NFIB: variants seen among roughly 807,000 people sequenced by gnomAD.
The protein encoded by NFIB is nuclear factor I B, also known as nuclear factor 1 B-type.
NFIB carries 11 observed loss-of-function variants against 61.5 expected under a neutral mutation model. That is an observed-to-expected ratio of 0.18 (90% CI 0.11 to 0.30). The LOEUF is 0.30. Among genes scored for constraint, NFIB ranks in the 10% least tolerant of loss-of-function variants. NFIB has a pLI of 1.00. For synonymous variants in NFIB, 260 were observed against 216.5 expected (o/e 1.20, Z -1.76); for missense variants, 471 against 608.9 (o/e 0.77, Z 2.38).
At chr9:14,108,721 G>A (rs928858572) in intron 10 of NFIB, among the ~76,000 whole-genome samples, 1 of 151,938 alleles carries the variant, frequency 6.6e-6, no homozygotes, top group Non-Finnish European at 1.5e-5. Flanking sequence ...ATATAGTCAG[G>A]AGATTATAAT....
intron 6 of NFIB, among the ~76,000 whole-genome samples, chr9:14,139,997 T>C (rs1422236709): frequency 6.6e-6 from 1 of 152,162 alleles, no homozygotes; most frequent in Non-Finnish European, 1.5e-5. Context: ...CAAAGAAACT[T>C]AAAAATTGGG....
the NFIB span, among the ~76,000 whole-genome samples, chr9:14,471,144 A>C: frequency 1.3e-5 from 2 of 152,374 alleles, no homozygotes; most frequent in South Asian, 4.1e-4. Flanking sequence ...AATGAAATAT[A>C]AACTTCTATA....
chr9:14,431,317 CTCT>C, the NFIB span, among the ~76,000 whole-genome samples: 1 of 152,134 alleles, frequency 6.6e-6, no homozygotes, highest in Non-Finnish European at 1.5e-5. Context: ...TAGATCCTGA[CTCT>C]TCTTCTACCC....
chr9:14,304,069 T>C (rs2059895605), intron 2 of NFIB, among the ~76,000 whole-genome samples: 1 of 152,226 alleles, frequency 6.6e-6, no homozygotes, highest in South Asian at 2.1e-4. Context: ...TACTGCCTCA[T>C]GGCCACGTGA....
At chr9:14,131,680 A>C (rs1043660858) in intron 6 of NFIB, among the ~76,000 whole-genome samples, 11 of 152,218 alleles carry the variant, frequency 7.2e-5, no homozygotes, top group African/African-American at 2.7e-4. Flanking sequence ...CCCTTAATTA[A>C]ACTGTTGTTC....
At chr9:14,088,749 C>T (rs1421518916) in intron 10 of NFIB, among the ~76,000 whole-genome samples, 1 of 152,058 alleles carries the variant, frequency 6.6e-6, no homozygotes, top group East Asian at 1.9e-4. Flanking sequence ...ACCTTTAATT[C>T]ACAAGCAATT....
the NFIB span, among the ~76,000 whole-genome samples, chr9:14,442,168 T>TTAATCACCACCCTCTCC: frequency 2.8e-4 from 42 of 152,144 alleles, no homozygotes; most frequent in Non-Finnish European, 4.3e-4. Context: ...TCCACCTCGC[T>TTAATCACCACCCTCTCC]TAATCACCAC....
chr9:14,524,270 G>A, the NFIB span, among the ~76,000 whole-genome samples: 1 of 152,008 alleles, frequency 6.6e-6, no homozygotes, highest in African/African-American at 2.4e-5. Context: ...TAATACAGTA[G>A]ACCCATTTAT....
In NFIB at chr9:14,088,176, A is replaced by T; in HGVS notation, c.*133T>A. The T allele has an allele frequency of 6.8e-7, 1 of 1,472,934 alleles. No homozygotes were observed. The highest frequency in any genetic ancestry group is 9.1e-7 in the Non-Finnish European group (1 of 1,102,322). The allele number at this position is 1,472,934 out of a possible 1,614,324, so 91.2% of individuals were successfully genotyped here. On this transcript the variant is annotated 3_prime_UTR_variant, in exon 11 of 11. Coordinates refer to ENST00000380953, the MANE Select transcript of NFIB (RefSeq NM_001190737.2). ...ATTTAAAAAAAAAATTTCTTAAACTATTGTTGTGTTTCTTTTTCCCTCAGT... is the reference window on the plus strand; with the variant it reads ...ATTTAAAAAAAAAATTTCTTAAACTTTTGTTGTGTTTCTTTTTCCCTCAGT...
At chr9:14,169,623 C>T (rs981592708) in intron 3 of NFIB, among the ~76,000 whole-genome samples, 8 of 152,160 alleles carry the variant, frequency 5.3e-5, no homozygotes, top group African/African-American at 1.4e-4. Context: ...GAGTTCAAGA[C>T]CAGCCTGGCC....
chr9:14,401,062 A>C (rs1030219975), upstream of NFIB, among the ~76,000 whole-genome samples: 3 of 152,248 alleles, frequency 2.0e-5, no homozygotes, highest in African/African-American at 7.2e-5. Flanking sequence ...ATTTCTACTT[A>C]GGATGACACA....
chr9:14,507,798 C>A, the NFIB span, among the ~76,000 whole-genome samples: 1 of 152,076 alleles, frequency 6.6e-6, no homozygotes. Context: ...AAGCAACCAT[C>A]AAAACTCTCT....
intron 6 of NFIB, among the ~76,000 whole-genome samples, chr9:14,130,427 T>A (rs536953048): frequency 6.6e-6 from 1 of 152,166 alleles, no homozygotes; most frequent in African/African-American, 2.4e-5. Flanking sequence ...CATAGAACAA[T>A]GTTTTATCCA....
At chr9:14,167,638 C>T (rs1241702128) in intron 3 of NFIB, among the ~76,000 whole-genome samples, 1 of 152,156 alleles carries the variant, frequency 6.6e-6, no homozygotes, top group African/African-American at 2.4e-5. Flanking sequence ...TAGCAAGTGA[C>T]CTATAAAGAG....
At chr9:14,150,006 A>G in intron 5 of NFIB, 139 bp downstream of exon 5, 1 of 1,224,564 alleles carries the variant, frequency 8.2e-7, no homozygotes, top group South Asian at 1.6e-5. Flanking sequence ...TTTAACCAGG[A>G]AAGATTAAAA....
chr9:14,267,185 T>C (rs1028656530), intron 2 of NFIB, among the ~76,000 whole-genome samples: 4 of 152,290 alleles, frequency 2.6e-5, no homozygotes, highest in Admixed American at 2.0e-4. Context: ...TAAGGGACAC[T>C]GAACACATAA....
chr9:14,281,458 A>C (rs1356469271), intron 2 of NFIB, among the ~76,000 whole-genome samples: 1 of 152,198 alleles, frequency 6.6e-6, no homozygotes, highest in Non-Finnish European at 1.5e-5. Context: ...AACAAAATTT[A>C]AGTAACAATT....
intron 2 of NFIB, among the ~76,000 whole-genome samples, chr9:14,296,616 T>C (rs575153637): frequency 6.6e-6 from 1 of 152,204 alleles, no homozygotes; most frequent in Admixed American, 6.5e-5. Context: ...TTTTGCTGCA[T>C]GTACGGAAAC....
At chr9:14,341,534 C>T (rs1287097252) in intron 1 of NFIB, among the ~76,000 whole-genome samples, 3 of 152,172 alleles carry the variant, frequency 2.0e-5, no homozygotes, top group African/African-American at 4.8e-5. Flanking sequence ...CTGTGAGGGA[C>T]TGGCCACCTC....
Sources: allele counts gnomAD v4.1 joint callset (sites outside exome capture counted in the v4.1 genomes callset), GRCh38; gene constraint gnomAD v4.1.1; transcripts MANE v1.5; gene names NCBI Gene and HGNC (gene_info 2026-07-23, HGNC 2026-07-21).